GALNT18: variants seen among roughly 807,000 people sequenced by gnomAD.
GALNT18 encodes GalNAc-transferase 18.
A neutral mutation model predicts 69.5 loss-of-function variants in GALNT18; 44 were observed. That is an observed-to-expected ratio of 0.63 (90% CI 0.50 to 0.81). The LOEUF is 0.81. Among genes scored for constraint, GALNT18 ranks in the 40% least tolerant of loss-of-function variants. GALNT18 has a pLI of 0.00. For synonymous variants in GALNT18, 364 were observed against 318.2 expected (o/e 1.14, Z -1.53); for missense variants, 715 against 810.0 (o/e 0.88, Z 1.42).
At position 11,613,109 on chromosome 11, in the gene GALNT18, C is replaced by T. The variant is rs1859953726; in HGVS notation, c.235+8250G>A. ...AGTGAAAGAGAACTACATCTCAGTA[C>T]TGCATCCCCACTGGGACGAACTGTC... On this transcript the variant is annotated intron_variant, in intron 1 of 10. Transcript: ENST00000227756. The surrounding 1 kb of genome is among the most constrained non-coding windows in gnomAD (Gnocchi z 4.2). 6.6e-6 allele frequency among the ~76,000 whole-genome samples: 1 copy of T among 152,206 alleles called. No individual in the cohort carries two copies. Among genetic ancestry groups the T allele is most frequent in the African/African-American group, 2.4e-5 (1 of 41,454 alleles).
In GALNT18 at chr11:11,337,561, AG is replaced by A; in HGVS notation, c.1278+3257del. ...TTTAGATAACAGAACACTCTTTCACAGGCTGGTCATGCAATGACAGAGAGAT... is the reference window on the plus strand; with the variant it reads ...TTTAGATAACAGAACACTCTTTCACAGCTGGTCATGCAATGACAGAGAGAT... On this transcript the variant is annotated intron_variant, in intron 7 of 10. Transcript: ENST00000227756. This position sits in a 1 kb window ranked among gnomAD's most constrained non-coding sequence, Gnocchi z 4.9. Among the ~76,000 whole-genome samples, 1 of 152,204 alleles carries A rather than the reference AG, an allele frequency of 6.6e-6. No individual in the cohort carries two copies. Among genetic ancestry groups the A allele is most frequent in the African/African-American group, 2.4e-5 (1 of 41,446 alleles).
In GALNT18 at chr11:11,461,363, T is replaced by C. The variant is rs986423252; in HGVS notation, c.236-12427A>G. On this transcript the variant is annotated intron_variant, in intron 1 of 10. Transcript: ENST00000227756. The surrounding 1 kb of genome is among the most constrained non-coding windows in gnomAD (Gnocchi z 4.1). ...AATTATGCAGAATGAAAGCTGCTAT[T>C]AAAGGGTCAAGTTTTTACACTCCAT... is the stretch of plus-strand genomic sequence containing the variant. 6.6e-6 allele frequency among the ~76,000 whole-genome samples: 1 copy of C among 152,186 alleles called. No homozygotes were observed. Among genetic ancestry groups the C allele is most frequent in the Non-Finnish European group, 1.5e-5 (1 of 68,032 alleles).
rs116115189 is a variant in GALNT18, at chr11:11,322,627, A to T, written c.1512+4459T>A. ...TACACCCACTACAATGGCTATAATT[A>T]AAAATATGGGTAATACCAAATGTTG... On this transcript the variant is annotated intron_variant, in intron 9 of 10. Transcript: ENST00000227756. Among the ~76,000 whole-genome samples, 994 of 152,372 alleles carry T rather than the reference A, an allele frequency of 6.5e-3. 13 individuals carry two copies. Among genetic ancestry groups the T allele is most frequent in the African/African-American group, 0.023 (938 of 41,584 alleles).
At chr11:11,352,550 G>C (rs771045876) in intron 6 of GALNT18, 30 of 1,613,966 alleles carry the variant, frequency 1.9e-5, no homozygotes, top group Non-Finnish European at 2.4e-5. Context: ...AAGCAACTCG[G>C]ACATTATATT....
chr11:11,537,010 T>C (rs7105139), intron 1 of GALNT18, among the ~76,000 whole-genome samples: 73,578 of 151,784 alleles, frequency 0.48, 18,754 homozygotes, highest in East Asian at 0.8. Flanking sequence ...ATTTTTACTC[T>C]GCACAGTGAG....
intron 3 of GALNT18, among the ~76,000 whole-genome samples, chr11:11,425,430 A>G (rs1230521686): frequency 6.6e-6 from 1 of 152,228 alleles, no homozygotes; most frequent in Non-Finnish European, 1.5e-5. Context: ...GCAGACAGAC[A>G]TCTCCAGGGT....
intron 9 of GALNT18, among the ~76,000 whole-genome samples, chr11:11,299,378 T>C (rs547383641): frequency 3.3e-5 from 5 of 152,150 alleles, no homozygotes; most frequent in Non-Finnish European, 5.9e-5. Flanking sequence ...ACTCCTGACC[T>C]CAGGTGAACT....
At chr11:11,392,131 G>A (rs1040489726) in intron 3 of GALNT18, among the ~76,000 whole-genome samples, 1 of 152,092 alleles carries the variant, frequency 6.6e-6, no homozygotes, top group African/African-American at 2.4e-5. Context: ...TGTTCCACTG[G>A]ACTGTGAGCT....
In GALNT18 at chr11:11,604,799, A is replaced by G. The variant is rs4590862; in HGVS notation, c.235+16560T>C. 0.016 allele frequency among the ~76,000 whole-genome samples: 2,414 copies of G among 152,282 alleles called. 63 individuals carry two copies. Among genetic ancestry groups the G allele is most frequent in the African/African-American group, 0.055 (2,293 of 41,554 alleles). On this transcript the variant is annotated intron_variant, in intron 1 of 10. Transcript: ENST00000227756. This position sits in a 1 kb window ranked among gnomAD's most constrained non-coding sequence, Gnocchi z 5.6. ...AACTAGCTCAGCCATGCAGGGAGGCATAATTAGTTTCCCGGCCCATAGCTT... is the reference window on the plus strand; with the variant it reads ...AACTAGCTCAGCCATGCAGGGAGGCGTAATTAGTTTCCCGGCCCATAGCTT...
intron 3 of GALNT18, among the ~76,000 whole-genome samples, chr11:11,416,668 T>A (rs562211364): frequency 1.5e-4 from 23 of 152,272 alleles, no homozygotes; most frequent in Non-Finnish European, 2.8e-4. Context: ...TGACGTGCTG[T>A]GGTTATTTAC....
Position 11,583,029 on chromosome 11 carries a change from G to A in GALNT18, c.235+38330C>T, listed in dbSNP as rs1300375722. Among the ~76,000 whole-genome samples, 1 of 152,132 alleles carries A rather than the reference G, an allele frequency of 6.6e-6. No homozygotes were observed. The highest frequency in any genetic ancestry group is 2.4e-5 in the African/African-American group (1 of 41,432). ...CAAAATGAGAGGCATGGGACTCTAAGTCCTGCCAACACTCAACTCAGGAAG... is the reference window on the plus strand; with the variant it reads ...CAAAATGAGAGGCATGGGACTCTAAATCCTGCCAACACTCAACTCAGGAAG... On this transcript the variant is annotated intron_variant, in intron 1 of 10. Coordinates refer to ENST00000227756, the MANE Select transcript of GALNT18 (RefSeq NM_198516.3). The surrounding 1 kb of genome is among the most constrained non-coding windows in gnomAD (Gnocchi z 4.7).
Position 11,436,741 on chromosome 11 carries a change from A to G in GALNT18, c.429-3954T>C, listed in dbSNP as rs745430678. On this transcript the variant is annotated intron_variant, in intron 2 of 10. Transcript: ENST00000227756. The surrounding 1 kb of genome is among the most constrained non-coding windows in gnomAD (Gnocchi z 4.5). ...GAAGAGCATATCAAGCAAGACATCT[A>G]CATCCTTCCTGGTCATGCCATCCTC... Among the ~76,000 whole-genome samples, 5 of 152,234 alleles carry G rather than the reference A, an allele frequency of 3.3e-5. No individual in the cohort carries two copies. The highest frequency in any genetic ancestry group is 5.9e-5 in the Non-Finnish European group (4 of 68,046).
At chr11:11,401,008 A>G (rs1409436878) in intron 3 of GALNT18, among the ~76,000 whole-genome samples, 1 of 152,162 alleles carries the variant, frequency 6.6e-6, no homozygotes, top group Non-Finnish European at 1.5e-5. Flanking sequence ...CCGGGGCAGG[A>G]ACGTAGGCAG....
At position 11,540,433 on chromosome 11, in the gene GALNT18, G is replaced by A. The variant is rs1857888387; in HGVS notation, c.235+80926C>T. Among the ~76,000 whole-genome samples, 1 of 152,144 alleles carries A rather than the reference G, an allele frequency of 6.6e-6. No homozygotes were observed. The highest frequency in any genetic ancestry group is 6.5e-5 in the Admixed American group (1 of 15,290). ...CCACACCGTGTGTACTGAAGGGCTG[G>A]CAGAGCTGCAGGTGATACCTTGCCA... On this transcript the variant is annotated intron_variant, in intron 1 of 10. Coordinates refer to ENST00000227756, the MANE Select transcript of GALNT18 (RefSeq NM_198516.3). The surrounding 1 kb of genome is among the most constrained non-coding windows in gnomAD (Gnocchi z 4.6).
chr11:11,399,832 C>T (rs748753817), intron 3 of GALNT18, among the ~76,000 whole-genome samples: 14 of 152,174 alleles, frequency 9.2e-5, no homozygotes, highest in Non-Finnish European at 1.5e-4. Flanking sequence ...TCAATAGGTG[C>T]TAGCTCTTAG....
rs199655273 is a variant in GALNT18 at position 11,463,213 on chromosome 11, C to T, written c.236-14277G>A. Among the ~76,000 whole-genome samples, 1 of 146,802 alleles carries T rather than the reference C, an allele frequency of 6.8e-6. No individual in the cohort carries two copies. Among genetic ancestry groups the T allele is most frequent in the Non-Finnish European group, 1.5e-5 (1 of 66,108 alleles). On this transcript the variant is annotated intron_variant, in intron 1 of 10. Transcript: ENST00000227756. This position sits in a 1 kb window ranked among gnomAD's most constrained non-coding sequence, Gnocchi z 4.2. ...ACACACTCAGACAGACAGACAGACA[C>T]ACACACACACACAGAGAGAGAGAGA...
At chr11:11,560,098 A>G (rs1443988750) in intron 1 of GALNT18, among the ~76,000 whole-genome samples, 140 of 150,898 alleles carry the variant, frequency 9.3e-4, no homozygotes, top group African/African-American at 1.1e-3. Context: ...GCGGGATGGA[A>G]TGGAATAGAA....
Position 11,383,063 on chromosome 11 carries a change from A to C in GALNT18, c.596-3799T>G, listed in dbSNP as rs1265558776. On this transcript the variant is annotated intron_variant, in intron 3 of 10. Transcript: ENST00000227756. This position sits in a 1 kb window ranked among gnomAD's most constrained non-coding sequence, Gnocchi z 5.2. ...GTCCACAAATCCCTGATCTCCTGAC[A>C]TTGGAGGGACCTCTGTAAACCAGCA... Among the ~76,000 whole-genome samples, 4 of 152,174 alleles carry C rather than the reference A, an allele frequency of 2.6e-5. No individual in the cohort carries two copies. Among genetic ancestry groups the C allele is most frequent in the African/African-American group, 9.7e-5 (4 of 41,432 alleles).
At chr11:11,316,642 C>G (rs900842510) in intron 9 of GALNT18, among the ~76,000 whole-genome samples, 2 of 152,216 alleles carry the variant, frequency 1.3e-5, no homozygotes, top group Admixed American at 6.5e-5. Context: ...CTTTCTTCTC[C>G]TATAACCAAC....
Sources: allele counts gnomAD v4.1 joint callset (sites outside exome capture counted in the v4.1 genomes callset), GRCh38; gene constraint gnomAD v4.1.1; non-coding constraint Gnocchi (gnomAD v3.1); transcripts MANE v1.5; gene names NCBI Gene and HGNC (gene_info 2026-07-23, HGNC 2026-07-21).